The following SPPL3 variants were observed in gnomAD, a reference collection of about 807,000 sequenced individuals.
SPPL3 encodes the protein signal peptide peptidase-like 3.
SPPL3 carries 5 observed loss-of-function variants against 42.4 expected under a neutral mutation model. The ratio of observed to expected loss-of-function variants is 0.12; its 90% CI spans 0.06 to 0.25. SPPL3 has a LOEUF of 0.25. SPPL3 is among the 10% of genes least tolerant of loss of function. The pLI is 1.00. For synonymous variants in SPPL3, 195 were observed against 181.8 expected, an observed-to-expected ratio of 1.07 and a Z score of -0.58; for missense variants, 235 against 489.0, an observed-to-expected ratio of 0.48 and a Z score of 4.90.
chr12:120,809,311 C>T (rs1438029778), intron 2 of SPPL3, among the ~76,000 whole-genome samples: 1 of 151,886 alleles, frequency 6.6e-6, no homozygotes, highest in Non-Finnish European at 1.5e-5. Context: ...TGCTACTGCA[C>T]TCCAGCCTGG....
intron 1 of SPPL3, among the ~76,000 whole-genome samples, chr12:120,853,304 G>A (rs187134954): frequency 6.6e-6 from 1 of 152,244 alleles, no homozygotes; most frequent in Non-Finnish European, 1.5e-5. Context: ...TAAGTCTACA[G>A]AACTATATTA....
chr12:120,849,046 C>T (rs1279797222), intron 1 of SPPL3, among the ~76,000 whole-genome samples: 1 of 151,954 alleles, frequency 6.6e-6, no homozygotes, highest in Admixed American at 6.6e-5. Context: ...TGTCTATATT[C>T]TTAGACATGC....
intron 1 of SPPL3, among the ~76,000 whole-genome samples, chr12:120,851,027 T>C (rs1872205732): frequency 6.6e-6 from 1 of 152,206 alleles, no homozygotes; most frequent in African/African-American, 2.4e-5. Context: ...TTCTAGAGAT[T>C]AGGACATGGA....
At chr12:120,793,269 A>C (rs974618522) in intron 2 of SPPL3, among the ~76,000 whole-genome samples, 2 of 152,136 alleles carry the variant, frequency 1.3e-5, no homozygotes, top group African/African-American at 4.8e-5. Context: ...CAGCACTTTG[A>C]GAGGCTGAGG....
intron 1 of SPPL3, among the ~76,000 whole-genome samples, chr12:120,859,874 C>G (rs1439648769): frequency 6.6e-6 from 1 of 152,012 alleles, no homozygotes; most frequent in African/African-American, 2.4e-5. Context: ...ACCCGGGAGG[C>G]AGAGGTTGCA....
intron 6 of SPPL3, among the ~76,000 whole-genome samples, chr12:120,781,597 G>A (rs541788518): frequency 1.8e-4 from 14 of 78,514 alleles, no homozygotes; most frequent in South Asian, 7.1e-4. Context: ...TTTTTGAGAC[G>A]GAGTCTTGCT....
intron 1 of SPPL3, among the ~76,000 whole-genome samples, chr12:120,846,416 G>C (rs1011661481): frequency 6.6e-6 from 1 of 152,214 alleles, no homozygotes; most frequent in South Asian, 2.1e-4. Flanking sequence ...TTAAAAGCAG[G>C]GAATTTTATT....
rs372218050 is a variant in SPPL3, at chr12:120,764,607, G to T, written c.*392C>A. On this transcript the variant is annotated 3_prime_UTR_variant, in exon 11 of 11. Coordinates refer to ENST00000353487, the MANE Select transcript of SPPL3 (RefSeq NM_139015.5). ...CTCGAGGGGTCATTGAAGAAACTTC[G>T]GTTTGCTAATTTTTTTCATCCTTTT... 27 of 348,442 alleles carry T rather than the reference G, an allele frequency of 7.7e-5. No homozygotes were observed. Among genetic ancestry groups the T allele is most frequent in the African/African-American group, 5.0e-4 (24 of 47,746 alleles). 21.6% of individuals were successfully genotyped at this position (348,442 alleles called of 1,614,324 possible).
At position 120,850,512 on chromosome 12, in the gene SPPL3, AAC is replaced by A. The variant is rs1247941202; in HGVS notation, c.24-39628_24-39627del. On this transcript the variant is annotated intron_variant, in intron 1 of 10. Coordinates refer to ENST00000353487, the MANE Select transcript of SPPL3 (RefSeq NM_139015.5). ...GCCTTTAAAAAAAAAAAAAAAAAAAAACAAAAGCCAAATGCTGCTATTCTGGA... is the reference window on the plus strand; with the variant it reads ...GCCTTTAAAAAAAAAAAAAAAAAAAAAAAAGCCAAATGCTGCTATTCTGGA... 2.4e-3 allele frequency among the ~76,000 whole-genome samples: 309 copies of A among 128,218 alleles called. 3 individuals are homozygous for A. The highest frequency in any genetic ancestry group is 4.0e-3 in the Middle Eastern group (1 of 250). The allele number at this position is 128,218 out of a possible 152,430, so 84.1% of individuals were successfully genotyped here.
intron 10 of SPPL3, among the ~76,000 whole-genome samples, chr12:120,765,399 T>C (rs1395522096): frequency 6.6e-6 from 1 of 152,104 alleles, no homozygotes; most frequent in Non-Finnish European, 1.5e-5. Context: ...GCGATTCTCT[T>C]GCCTCAGCTT....
intron 1 of SPPL3, among the ~76,000 whole-genome samples, chr12:120,864,048 T>C (rs1170850232): frequency 1.3e-5 from 2 of 152,172 alleles, no homozygotes; most frequent in Non-Finnish European, 2.9e-5. Context: ...TTCTGTACTC[T>C]GTTACATTAA....
intron 1 of SPPL3, among the ~76,000 whole-genome samples, chr12:120,854,832 G>A (rs950340639): frequency 1.3e-5 from 2 of 152,106 alleles, no homozygotes; most frequent in Non-Finnish European, 2.9e-5. Flanking sequence ...TTTCCAAAGC[G>A]GGGCATTTGT....
intron 1 of SPPL3, among the ~76,000 whole-genome samples, chr12:120,891,298 C>T (rs1382400949): frequency 1.3e-5 from 2 of 152,154 alleles, no homozygotes; most frequent in Non-Finnish European, 2.9e-5. Context: ...ACAAAACTAA[C>T]TCCTAATCTC....
intron 1 of SPPL3, among the ~76,000 whole-genome samples, chr12:120,897,677 C>A (rs1002326682): frequency 1.3e-5 from 2 of 152,128 alleles, no homozygotes; most frequent in African/African-American, 4.8e-5. Flanking sequence ...GAGCCGAGAT[C>A]GCACCACTGC....
intron 1 of SPPL3, among the ~76,000 whole-genome samples, chr12:120,889,989 T>G (rs940255674): frequency 6.6e-6 from 1 of 152,182 alleles, no homozygotes; most frequent in Admixed American, 6.5e-5. Context: ...CTCACGCCTG[T>G]AATCCCAGCA....
chr12:120,781,741 A>G lies in SPPL3; in HGVS notation c.502+914T>C, dbSNP rs149596571. 9.3e-3 allele frequency among the ~76,000 whole-genome samples: 1,401 copies of G among 150,994 alleles called. 24 individuals carry two copies. Among genetic ancestry groups the G allele is most frequent in the African/African-American group, 0.032 (1,327 of 41,082 alleles). On this transcript the variant is annotated intron_variant, in intron 6 of 10. Coordinates refer to ENST00000353487, the MANE Select transcript of SPPL3 (RefSeq NM_139015.5). ...ACTACAGGTGCCTACCACCACTCCC[A>G]GCTAATTTTTTGTATTTTTAGTAGA...
chr12:120,815,394 CT>C lies in SPPL3; in HGVS notation c.24-4509del, dbSNP rs1390153945. Among the ~76,000 whole-genome samples the C allele has an allele frequency of 4.9e-4, 74 of 152,220 alleles. 1 individual carries two copies. Among genetic ancestry groups the C allele is most frequent in the Non-Finnish European group, 6.8e-4 (46 of 68,010 alleles). On this transcript the variant is annotated intron_variant, in intron 1 of 10. Coordinates refer to ENST00000353487, the MANE Select transcript of SPPL3 (RefSeq NM_139015.5). ...TAAAAATTAAAGTGAGATTGAGCAG[CT>C]TTTCTTTTTTATGATTAAAGGTCAG...
intron 1 of SPPL3, among the ~76,000 whole-genome samples, chr12:120,841,441 T>G (rs1401797459): frequency 6.6e-6 from 1 of 152,088 alleles, no homozygotes; most frequent in Non-Finnish European, 1.5e-5. Context: ...TATATATATA[T>G]ATGCACAAAA....
In SPPL3 at chr12:120,779,858, TGTG is replaced by T. The variant is rs1339491730; in HGVS notation, c.502+2794_502+2796del. On this transcript the variant is annotated intron_variant, in intron 6 of 10. Coordinates refer to ENST00000353487, the MANE Select transcript of SPPL3 (RefSeq NM_139015.5). ...AAAAAAAAAAAAAAAATTAGCAAGG[TGTG>T]GTGGTGGGCACCTGTAATCCCAGTT... 6.8e-4 allele frequency among the ~76,000 whole-genome samples: 81 copies of T among 118,684 alleles called. 3 individuals carry two copies. The Middle Eastern group carries it at 0.017, about 25-fold the overall frequency. The allele number at this position is 118,684 out of a possible 152,430, so 77.9% of individuals were successfully genotyped here. A position where few individuals can be genotyped will look rare whatever the true frequency, so the allele number is the denominator to read the frequency against.
Sources: gnomAD v4.1 joint callset for allele counts (sites outside exome capture counted in the v4.1 genomes callset) on GRCh38, gnomAD v4.1.1 for gene constraint, MANE v1.5 for transcripts, NCBI Gene and HGNC (gene_info 2026-07-23, HGNC 2026-07-21) for gene names.